The following MLLT3 variants were observed in gnomAD, a reference collection of about 807,000 sequenced individuals.
The protein encoded by MLLT3 is protein AF-9.
A neutral mutation model predicts 53.2 loss-of-function variants in MLLT3; 4 were observed. That is an observed-to-expected ratio of 0.08 (90% CI 0.04 to 0.17). The LOEUF is 0.17. MLLT3 is among the 10% of genes least tolerant of loss of function. MLLT3 has a pLI of 1.00. For missense variants in MLLT3, 569 were observed against 684.0 expected (o/e 0.83, Z 1.87); for synonymous variants, 283 against 230.6 (o/e 1.23, Z -2.06).
chr9:20,529,724 CTTTTTTTTTTTTTT>C (rs5896896), intron 2 of MLLT3, among the ~76,000 whole-genome samples: 1 of 76,410 alleles, frequency 1.3e-5, no homozygotes, highest in Non-Finnish European at 2.4e-5. Flanking sequence ...TAATCCAATC[CTTTTTTTTTTTTTT>C]TTTTTTTTTT....
At chr9:20,398,883 C>T (rs183003261) in intron 5 of MLLT3, among the ~76,000 whole-genome samples, 36 of 152,118 alleles carry the variant, frequency 2.4e-4, no homozygotes, top group Non-Finnish European at 2.9e-4. Flanking sequence ...ATACCCTTCA[C>T]GGTGAAATCA....
At chr9:20,468,137 A>G (rs1431281057) in intron 2 of MLLT3, among the ~76,000 whole-genome samples, 1 of 152,240 alleles carries the variant, frequency 6.6e-6, no homozygotes, top group Non-Finnish European at 1.5e-5. Flanking sequence ...TATCCATGCT[A>G]GAAAGCATGA....
Position 20,341,806 on chromosome 9 carries a change from T to C in MLLT3, c.*4637A>G, listed in dbSNP as rs889849552. The C allele has an allele frequency of 4.9e-5, 10 of 202,188 alleles. No individual in the cohort carries two copies. Among genetic ancestry groups the C allele is most frequent in the Non-Finnish European group, 1.0e-4 (10 of 98,582 alleles). 12.5% of individuals were successfully genotyped at this position (202,188 alleles called of 1,614,324 possible). A position where few individuals can be genotyped will look rare whatever the true frequency, so the allele number is the denominator to read the frequency against. On this transcript the variant is annotated 3_prime_UTR_variant, in exon 11 of 11. Transcript: ENST00000380338. ...ATCGACTCTCTCTGGCTATAGCACATTGTTTCTGAACAAAACCCTCCAAAG... is the reference window on the plus strand; with the variant it reads ...ATCGACTCTCTCTGGCTATAGCACACTGTTTCTGAACAAAACCCTCCAAAG...
intron 2 of MLLT3, among the ~76,000 whole-genome samples, chr9:20,566,702 G>A (rs1819385774): frequency 6.6e-6 from 1 of 152,090 alleles, no homozygotes; most frequent in African/African-American, 2.4e-5. Context: ...AAGCCACAGA[G>A]AAGCAGGTCT....
At chr9:20,519,933 A>T (rs1183258583) in intron 2 of MLLT3, among the ~76,000 whole-genome samples, 1 of 152,264 alleles carries the variant, frequency 6.6e-6, no homozygotes, top group Non-Finnish European at 1.5e-5. Context: ...AGTAGCAACG[A>T]CATGGAATCA....
chr9:20,516,542 G>A (rs958819195), intron 2 of MLLT3, among the ~76,000 whole-genome samples: 1 of 152,070 alleles, frequency 6.6e-6, no homozygotes, highest in African/African-American at 2.4e-5. Flanking sequence ...CATGCCAAAG[G>A]CACATAATAC....
At chr9:20,503,062 A>G (rs2118945380) in intron 2 of MLLT3, among the ~76,000 whole-genome samples, 1 of 152,332 alleles carries the variant, frequency 6.6e-6, no homozygotes, top group Middle Eastern at 3.4e-3. Context: ...GACAACACAA[A>G]TAAGTGGAAA....
intron 2 of MLLT3, among the ~76,000 whole-genome samples, chr9:20,526,333 C>T (rs1007068204): frequency 1.3e-5 from 2 of 152,164 alleles, no homozygotes; most frequent in Non-Finnish European, 2.9e-5. Flanking sequence ...CAGAAGCCTT[C>T]CCCAGTACCC....
intron 5 of MLLT3, among the ~76,000 whole-genome samples, chr9:20,400,527 A>G (rs1162000334): frequency 6.6e-6 from 1 of 152,140 alleles, no homozygotes; most frequent in African/African-American, 2.4e-5. Flanking sequence ...CTTATCTTTT[A>G]GAGACTCATA....
chr9:20,599,034 G>A (rs577300397), intron 2 of MLLT3, among the ~76,000 whole-genome samples: 6 of 152,240 alleles, frequency 3.9e-5, no homozygotes, highest in South Asian at 2.1e-4. Flanking sequence ...GGCCAGGCGC[G>A]GTGGCTCACG....
intron 4 of MLLT3, among the ~76,000 whole-genome samples, chr9:20,434,890 G>A (rs143421966): frequency 7.9e-4 from 120 of 152,108 alleles, no homozygotes; most frequent in African/African-American, 2.8e-3. Flanking sequence ...GGTGTATTTG[G>A]GAAAAACATT....
chr9:20,618,403 C>T (rs1820891543), intron 2 of MLLT3, among the ~76,000 whole-genome samples: 1 of 152,136 alleles, frequency 6.6e-6, no homozygotes. Flanking sequence ...ACAACTATTC[C>T]CAATGAACAG....
rs530932665 is a variant in MLLT3 at position 20,389,331 on chromosome 9, A to G, written c.1126-23587T>C. Among the ~76,000 whole-genome samples, 3 of 152,354 alleles carry G rather than the reference A, an allele frequency of 2.0e-5. No homozygotes were observed. In the South Asian group the frequency reaches 6.2e-4, roughly 32 times the overall value. On this transcript the variant is annotated intron_variant, in intron 5 of 10. Coordinates refer to ENST00000380338, the MANE Select transcript of MLLT3 (RefSeq NM_004529.4). ...AGAACAGGCAACTGTACAGATAGAA[A>G]GTAGATTACTGGTTGCCTGTGATTG...
intron 2 of MLLT3, among the ~76,000 whole-genome samples, chr9:20,527,609 C>T (rs1371275400): frequency 6.6e-6 from 1 of 152,176 alleles, no homozygotes; most frequent in Non-Finnish European, 1.5e-5. Context: ...TTCCACTGAA[C>T]AGTCTGTATC....
At chr9:20,398,513 T>A (rs1822376837) in intron 5 of MLLT3, among the ~76,000 whole-genome samples, 1 of 151,930 alleles carries the variant, frequency 6.6e-6, no homozygotes, top group Admixed American at 6.6e-5. Flanking sequence ...ATTGGGGGAG[T>A]GGGGGAAGCA....
At chr9:20,348,131 G>A (rs913303665) in intron 10 of MLLT3, among the ~76,000 whole-genome samples, 31 of 152,068 alleles carry the variant, frequency 2.0e-4, no homozygotes, top group African/African-American at 7.5e-4. Flanking sequence ...TATTTTTTAG[G>A]GATATAACTA....
At chr9:20,487,144 T>C (rs1824834929) in intron 2 of MLLT3, among the ~76,000 whole-genome samples, 1 of 152,150 alleles carries the variant, frequency 6.6e-6, no homozygotes, top group African/African-American at 2.4e-5. Flanking sequence ...AAAAAGGTCC[T>C]AAAGCTGCCG....
chr9:20,573,974 G>A (rs779227182), intron 2 of MLLT3, among the ~76,000 whole-genome samples: 1 of 152,154 alleles, frequency 6.6e-6, no homozygotes, highest in Non-Finnish European at 1.5e-5. Flanking sequence ...TATAGAAATA[G>A]AAGAACTGGT....
chr9:20,349,679 A>G (rs899016819), intron 10 of MLLT3, among the ~76,000 whole-genome samples: 1 of 152,224 alleles, frequency 6.6e-6, no homozygotes, highest in Non-Finnish European at 1.5e-5. Flanking sequence ...TTTAAAGCAT[A>G]TAAACACTTT....
Sources: allele counts gnomAD v4.1 joint callset (sites outside exome capture counted in the v4.1 genomes callset), GRCh38; gene constraint gnomAD v4.1.1; transcripts MANE v1.5; gene names NCBI Gene and HGNC (gene_info 2026-07-23, HGNC 2026-07-21).